The following SZRD1 variants were observed in gnomAD, a reference collection of about 807,000 sequenced individuals.
SZRD1 encodes SUZ RNA-binding domain-containing.
In SZRD1, 7 loss-of-function variants were observed where a neutral mutation model predicts 17.6. The ratio of observed to expected loss-of-function variants is 0.40; its 90% CI spans 0.23 to 0.75. The LOEUF (loss-of-function observed/expected upper bound fraction) is 0.75, where lower values mean the gene tolerates loss of function less well. SZRD1 is among the 30% of genes least tolerant of loss of function. SZRD1 has a pLI of 0.38. For missense variants in SZRD1, 178 were observed against 201.8 expected (o/e 0.88, Z 0.71); for synonymous variants, 77 against 77.9 (o/e 0.99, Z 0.06).
intron 1 of SZRD1, among the ~76,000 whole-genome samples, chr1:16,368,919 A>C (rs2082865816): frequency 3.3e-5 from 5 of 152,220 alleles, no homozygotes; most frequent in African/African-American, 1.2e-4. Context: ...GAGGCAAATG[A>C]ACAAAAATGA....
intron 1 of SZRD1, among the ~76,000 whole-genome samples, chr1:16,371,435 C>CTTCCTTTTTT (rs1301609069): frequency 4.5e-4 from 67 of 149,288 alleles, no homozygotes; most frequent in African/African-American, 1.6e-3. Context: ...CCCCCTCTCC[C>CTTCCTTTTTT]TTCCTTTTTT....
rs1431269254 is a variant in SZRD1 at position 16,398,044 on chromosome 1, G to A, written c.*2904G>A. 6 of 892,364 alleles carry A rather than the reference G, an allele frequency of 6.7e-6. No individual in the cohort carries two copies. The highest frequency in any genetic ancestry group is 5.4e-5 in the African/African-American group (3 of 55,212). The allele number at this position is 892,364 out of a possible 1,614,324, so 55.3% of individuals were successfully genotyped here. ...TGCAGTCTTACTCTGCTGGTGTAGC[G>A]GGCAGCTGCCCACTCCCACCCCACC... On this transcript the variant is annotated 3_prime_UTR_variant, in exon 4 of 4. Coordinates refer to ENST00000401088, the MANE Select transcript of SZRD1 (RefSeq NM_001114600.3).
chr1:16,389,769 C>T (rs1004810678), intron 1 of SZRD1, among the ~76,000 whole-genome samples: 1 of 152,236 alleles, frequency 6.6e-6, no homozygotes, highest in African/African-American at 2.4e-5. Context: ...TCAGAACATA[C>T]AGAGCACTTA....
At chr1:16,382,544 G>C (rs987469679) in intron 1 of SZRD1, among the ~76,000 whole-genome samples, 27 of 150,404 alleles carry the variant, frequency 1.8e-4, no homozygotes, top group Admixed American at 1.1e-3. Flanking sequence ...ACCCAGGCTG[G>C]AGTGCAGTGA....
In SZRD1 at chr1:16,391,488, GTGT is replaced by G. The variant is rs2085221259; in HGVS notation, c.101+66_101+68del. ...TGGTTTGAGAGCCGGGCAGTCAGTG[GTGT>G]TCTCCAGCTGGCCATTAGGATTAGC... On this transcript the variant is annotated intron_variant, in intron 2 of 3. Transcript: ENST00000401088. The surrounding 1 kb of genome is among the most constrained non-coding windows in gnomAD (Gnocchi z 4.3). 3.6e-6 allele frequency: 5 copies of G among 1,378,878 alleles called. No homozygotes were observed. The highest frequency in any genetic ancestry group is 5.0e-6 in the Non-Finnish European group (5 of 996,132). 85.4% of individuals were successfully genotyped at this position (1,378,878 alleles called of 1,614,324 possible). A position where few individuals can be genotyped will look rare whatever the true frequency, so the allele number is the denominator to read the frequency against.
In SZRD1 at chr1:16,393,351, C is replaced by G; in HGVS notation, c.225C>G (p.Pro75=). ...CCAGCAACGGTGTGGTCAGCAGCCC[C>G]AACTCCACCAGCAGGCCCACCCTTC... The part of the protein sequence containing the change: ...RPTSNGVVSS[P]NSTSRPTLPV... The change falls in exon 3 of 4, where the codon CCC becomes CCG. Residue 75 remains proline (P), a synonymous_variant. Transcript: ENST00000401088. The surrounding 1 kb of genome is among the most constrained non-coding windows in gnomAD (Gnocchi z 5.6). 1.2e-6 allele frequency: 2 copies of G among 1,614,226 alleles called. No individual in the cohort carries two copies. Among genetic ancestry groups the G allele is most frequent in the Middle Eastern group, 1.6e-4 (1 of 6,062 alleles).
chr1:16,381,039 C>T (rs1407432397), intron 1 of SZRD1, among the ~76,000 whole-genome samples: 7 of 148,448 alleles, frequency 4.7e-5, no homozygotes, highest in African/African-American at 1.7e-4. Context: ...GCTATGATTG[C>T]ATCACTGCAC....
At chr1:16,384,413 A>T (rs2083155010) in intron 1 of SZRD1, among the ~76,000 whole-genome samples, 1 of 151,220 alleles carries the variant, frequency 6.6e-6, no homozygotes, top group African/African-American at 2.4e-5. Context: ...ATGGCTAATG[A>T]TGCGGGAGAC....
chr1:16,379,744 A>G (rs1460218292), intron 1 of SZRD1, among the ~76,000 whole-genome samples: 2 of 148,742 alleles, frequency 1.3e-5, no homozygotes, highest in Non-Finnish European at 3.0e-5. Flanking sequence ...TATCTATAAA[A>G]TCCTGTTGAT....
chr1:16,378,857 G>A (rs7535167), intron 1 of SZRD1, among the ~76,000 whole-genome samples: 1,655 of 152,136 alleles, frequency 0.011, 31 homozygotes, highest in African/African-American at 0.037. Context: ...CTCCCGAGTA[G>A]CTGGGATTAC....
intron 1 of SZRD1, among the ~76,000 whole-genome samples, chr1:16,378,997 G>C (rs2083049258): frequency 1.3e-5 from 2 of 152,106 alleles, no homozygotes; most frequent in African/African-American, 4.8e-5. Context: ...AAAGTGCTGG[G>C]GTTACAGGTG....
rs2085332115 is a variant in SZRD1 at position 16,397,524 on chromosome 1, G to A, written c.*2384G>A. The A allele has an allele frequency of 6.6e-6, 1 of 152,364 alleles. No homozygotes were observed. Among genetic ancestry groups the A allele is most frequent in the East Asian group, 1.9e-4 (1 of 5,184 alleles). The allele number at this position is 152,364 out of a possible 1,614,324, so 9.4% of individuals were successfully genotyped here. On this transcript the variant is annotated 3_prime_UTR_variant, in exon 4 of 4. Coordinates refer to ENST00000401088, the MANE Select transcript of SZRD1 (RefSeq NM_001114600.3). This position sits in a 1 kb window ranked among gnomAD's most constrained non-coding sequence, Gnocchi z 5.4. The stretch of plus-strand genomic sequence containing the variant: ...GCTTTGGCTTGGAAAACCCCAGGGG[G>A]ATGGGGGGCAGAAACCTGAGGCTGC...
chr1:16,371,504 C>T (rs1026018991), intron 1 of SZRD1, among the ~76,000 whole-genome samples: 3 of 150,260 alleles, frequency 2.0e-5, no homozygotes, highest in African/African-American at 4.9e-5. Flanking sequence ...CTCTGTCGCC[C>T]AGGCTGGAGT....
chr1:16,381,740 T>C (rs2083108649), intron 1 of SZRD1, among the ~76,000 whole-genome samples: 1 of 151,736 alleles, frequency 6.6e-6, no homozygotes, highest in South Asian at 2.1e-4. Context: ...AAGACCAGCC[T>C]GGGCAACATG....
At chr1:16,389,830 A>C (rs1379919003) in intron 1 of SZRD1, among the ~76,000 whole-genome samples, 6 of 152,252 alleles carry the variant, frequency 3.9e-5, no homozygotes, top group African/African-American at 1.4e-4. Flanking sequence ...CAAATTTCAA[A>C]GTCTCCACAC....
chr1:16,367,330 A>C (rs1192598819), intron 1 of SZRD1, 22 bp downstream of exon 1: 1 of 1,546,854 alleles, frequency 6.5e-7, no homozygotes, highest in Non-Finnish European at 8.7e-7. Context: ...CCGCCGTCCC[A>C]TGGCAGGGCC....
chr1:16,381,554 C>CAAAA (rs1196669695), intron 1 of SZRD1, among the ~76,000 whole-genome samples: 1 of 53,862 alleles, frequency 1.9e-5, no homozygotes, highest in African/African-American at 6.2e-5. Flanking sequence ...GACTTCATCT[C>CAAAA]AAAAAAAAAA....
chr1:16,367,799 G>A, intron 1 of SZRD1: 1 of 157,446 alleles, frequency 6.4e-6, no homozygotes, highest in South Asian at 1.7e-4. Context: ...TCCTCTTTGG[G>A]CTACTCAACT....
intron 1 of SZRD1, among the ~76,000 whole-genome samples, chr1:16,375,682 C>T (rs974484538): frequency 6.6e-6 from 1 of 152,138 alleles, no homozygotes; most frequent in African/African-American, 2.4e-5. Context: ...CAGCCCCTCC[C>T]CCCAACAAAC....
Sources: gnomAD v4.1 joint callset for allele counts (sites outside exome capture counted in the v4.1 genomes callset) on GRCh38, gnomAD v4.1.1 for gene constraint, Gnocchi (gnomAD v3.1) non-coding constraint, MANE v1.5 for transcripts, NCBI Gene and HGNC (gene_info 2026-07-23, HGNC 2026-07-21) for gene names.